The following SLC10A7 variants were observed in gnomAD, a reference collection of about 807,000 sequenced individuals.
SLC10A7 encodes solute carrier family 10 member 7.
SLC10A7 carries 29 observed loss-of-function variants against 43.2 expected under a neutral mutation model. That is an observed-to-expected ratio of 0.67 (90% CI 0.50 to 0.92). The LOEUF is 0.92. Among genes scored for constraint, SLC10A7 ranks in the 40% least tolerant of loss-of-function variants. The probability of loss-of-function intolerance (pLI) is 0.00; values close to 1 mark genes in which losing one functional copy is unlikely to be tolerated. For synonymous variants in SLC10A7, 152 were observed against 144.8 expected (o/e 1.05, Z -0.35); for missense variants, 295 against 403.2 (o/e 0.73, Z 2.30).
At chr4:146,268,208 G>A (rs569508556) in intron 10 of SLC10A7, among the ~76,000 whole-genome samples, 9 of 152,190 alleles carry the variant, frequency 5.9e-5, no homozygotes, top group African/African-American at 2.2e-4. Flanking sequence ...TTCTTTTCTG[G>A]TGTAGTCAGG....
intron 4 of SLC10A7, among the ~76,000 whole-genome samples, chr4:146,457,542 T>C (rs1420122325): frequency 6.6e-6 from 1 of 151,956 alleles, no homozygotes; most frequent in Non-Finnish European, 1.5e-5. Context: ...TTAACTCATA[T>C]ACCACACAAA....
intron 5 of SLC10A7, among the ~76,000 whole-genome samples, chr4:146,385,442 C>A (rs1243463036): frequency 6.6e-6 from 1 of 152,084 alleles, no homozygotes; most frequent in Admixed American, 6.6e-5. Flanking sequence ...AGAGGTTCAG[C>A]ATATTTACTC....
intron 5 of SLC10A7, among the ~76,000 whole-genome samples, chr4:146,383,369 G>T (rs1157829721): frequency 6.6e-6 from 1 of 152,128 alleles, no homozygotes; most frequent in Non-Finnish European, 1.5e-5. Flanking sequence ...GGCCAAGTCA[G>T]CTATGACAGG....
intron 4 of SLC10A7, among the ~76,000 whole-genome samples, chr4:146,488,287 T>A (rs1390246972): frequency 2.2e-4 from 34 of 152,168 alleles, no homozygotes. Context: ...CCTGAAAAAG[T>A]ATATTAAATA....
intron 5 of SLC10A7, among the ~76,000 whole-genome samples, chr4:146,417,462 ACT>A (rs760283344): frequency 6.6e-6 from 1 of 152,038 alleles, no homozygotes; most frequent in Non-Finnish European, 1.5e-5. Context: ...ATCCAGAGCA[ACT>A]CTCATCTCCA....
intron 4 of SLC10A7, among the ~76,000 whole-genome samples, chr4:146,457,189 CTTT>C (rs1161655811): frequency 1.3e-5 from 2 of 151,728 alleles, no homozygotes; most frequent in South Asian, 4.2e-4. Flanking sequence ...TTTTATTCTT[CTTT>C]TGATTTTTAT....
rs1560818768 is a variant in SLC10A7, at chr4:146,345,870, A to T, written c.436-19874T>A. 3.3e-5 allele frequency among the ~76,000 whole-genome samples: 5 copies of T among 152,148 alleles called. No individual in the cohort carries two copies. The South Asian group carries it at 1.0e-3, about 32-fold the overall frequency. On this transcript the variant is annotated intron_variant, in intron 5 of 11. Coordinates refer to ENST00000335472, the MANE Select transcript of SLC10A7 (RefSeq NM_001029998.6). Reference sequence around the variant, plus strand: ...ATTATTTATTAAGCATTCCTCCTAGATACTGTTCTTGCACTTTGCAAGTGT... The same window carrying T: ...ATTATTTATTAAGCATTCCTCCTAGTTACTGTTCTTGCACTTTGCAAGTGT...
Position 146,256,332 on chromosome 4 carries a change from T to C in SLC10A7, c.*159A>G. On this transcript the variant is annotated 3_prime_UTR_variant, in exon 12 of 12. Transcript: ENST00000335472. ...AAGCATATTTTGGAAATAACGCTCT[T>C]GTCAAATACATTTTAAGGCACTTAA... The C allele has an allele frequency of 1.5e-6, 1 of 668,606 alleles. No individual in the cohort carries two copies. The highest frequency in any genetic ancestry group is 2.6e-6 in the Non-Finnish European group (1 of 390,230). 41.4% of individuals were successfully genotyped at this position (668,606 alleles called of 1,614,324 possible). A position where few individuals can be genotyped will look rare whatever the true frequency, so the allele number is the denominator to read the frequency against.
chr4:146,518,526 G>A (rs760118632), intron 1 of SLC10A7, among the ~76,000 whole-genome samples: 26 of 152,192 alleles, frequency 1.7e-4, no homozygotes, highest in Non-Finnish European at 3.2e-4. Flanking sequence ...ATCCTATTCA[G>A]TCTTCTTGTA....
At chr4:146,457,651 G>GA (rs1732180382) in intron 4 of SLC10A7, among the ~76,000 whole-genome samples, 1 of 151,960 alleles carries the variant, frequency 6.6e-6, no homozygotes, top group Non-Finnish European at 1.5e-5. Flanking sequence ...TGTCAGGAAT[G>GA]AAAGCAGGGA....
At chr4:146,431,281 T>C (rs944381774) in intron 5 of SLC10A7, among the ~76,000 whole-genome samples, 3 of 152,110 alleles carry the variant, frequency 2.0e-5, no homozygotes, top group East Asian at 3.8e-4. Context: ...GAGGCTGGAT[T>C]TACAGGGCAA....
intron 5 of SLC10A7, among the ~76,000 whole-genome samples, chr4:146,399,066 C>A (rs984896575): frequency 6.6e-6 from 1 of 152,070 alleles, no homozygotes; most frequent in Non-Finnish European, 1.5e-5. Flanking sequence ...AGCACTAGGG[C>A]GGTATTCAGG....
chr4:146,462,072 T>A (rs1732586953), intron 4 of SLC10A7, among the ~76,000 whole-genome samples: 1 of 151,988 alleles, frequency 6.6e-6, no homozygotes, highest in African/African-American at 2.4e-5. Flanking sequence ...TTTAGTTTTA[T>A]TTTTTCAAAA....
chr4:146,461,823 CT>C (rs10695588), intron 4 of SLC10A7, among the ~76,000 whole-genome samples: 73 of 136,282 alleles, frequency 5.4e-4, no homozygotes, highest in Middle Eastern at 3.8e-3. Context: ...AGTGACCAGG[CT>C]TTTTTTTTTT....
chr4:146,440,909 A>C lies in SLC10A7; in HGVS notation c.435+1874T>G, dbSNP rs546224544. Reference sequence around the variant, plus strand: ...CTACCCATACCTCAAGGCCCAGCTCAGAGCAATCACTTCTGTCAGACCTTT... The same window carrying C: ...CTACCCATACCTCAAGGCCCAGCTCCGAGCAATCACTTCTGTCAGACCTTT... On this transcript the variant is annotated intron_variant, in intron 5 of 11. Transcript: ENST00000335472. 9.2e-5 allele frequency among the ~76,000 whole-genome samples: 14 copies of C among 152,328 alleles called. 1 individual carries two copies. The South Asian group carries it at 2.7e-3, about 29-fold the overall frequency.
intron 5 of SLC10A7, among the ~76,000 whole-genome samples, chr4:146,385,426 C>T (rs1257620092): frequency 2.0e-5 from 3 of 152,096 alleles, no homozygotes; most frequent in Non-Finnish European, 4.4e-5. Context: ...ATTTCTCTAA[C>T]TCTTAAGAGG....
chr4:146,355,594 G>A (rs1209783795), intron 5 of SLC10A7, among the ~76,000 whole-genome samples: 2 of 151,838 alleles, frequency 1.3e-5, no homozygotes, highest in Non-Finnish European at 1.5e-5. Flanking sequence ...GCACACGTAT[G>A]TTTATTGTGG....
At chr4:146,389,140 A>G (rs1169529521) in intron 5 of SLC10A7, among the ~76,000 whole-genome samples, 3 of 152,180 alleles carry the variant, frequency 2.0e-5, no homozygotes, top group Non-Finnish European at 2.9e-5. Context: ...AGAGTGGAAC[A>G]ATGGACATGG....
At chr4:146,367,044 T>C (rs1736443107) in intron 5 of SLC10A7, among the ~76,000 whole-genome samples, 1 of 152,140 alleles carries the variant, frequency 6.6e-6, no homozygotes, top group African/African-American at 2.4e-5. Context: ...TCATCATGGT[T>C]TGGCTCATCT....
Sources: gnomAD v4.1 joint callset for allele counts (sites outside exome capture counted in the v4.1 genomes callset) on GRCh38, gnomAD v4.1.1 for gene constraint, MANE v1.5 for transcripts, NCBI Gene and HGNC (gene_info 2026-07-23, HGNC 2026-07-21) for gene names.